The following ASCC2 variants were observed in gnomAD, a reference collection of about 807,000 sequenced individuals.
ASCC2 encodes the protein ASC-1 complex subunit P100.
A neutral mutation model predicts 93.5 loss-of-function variants in ASCC2; 42 were observed. The observed-to-expected ratio is 0.45, with a 90% CI of 0.35 to 0.58. The LOEUF is 0.58. Ranked by LOEUF, ASCC2 falls within the 20% of genes least tolerant of loss-of-function variation. The pLI, the probability that ASCC2 is intolerant of heterozygous loss-of-function variation, is 0.00. For synonymous variants in ASCC2, 364 were observed against 384.2 expected (o/e 0.95, Z 0.62); for missense variants, 859 against 977.6 (o/e 0.88, Z 1.62).
chr22:29,802,977 G>T (rs1367626372), intron 13 of ASCC2, among the ~76,000 whole-genome samples: 5 of 146,240 alleles, frequency 3.4e-5, no homozygotes, highest in African/African-American at 7.6e-5. Flanking sequence ...GCCAGGCATG[G>T]TGCTCATGCC....
intron 13 of ASCC2, among the ~76,000 whole-genome samples, chr22:29,803,262 A>AC (rs199726005): frequency 3.3e-5 from 5 of 150,818 alleles, no homozygotes; most frequent in Non-Finnish European, 7.4e-5. Context: ...CAAAAAAAAA[A>AC]CAAAAAACAA....
chr22:29,816,697 T>C (rs2060888909), intron 5 of ASCC2: 1 of 152,194 alleles, frequency 6.6e-6, no homozygotes. Context: ...AAGTGTTTAC[T>C]ATTCTCCAAG....
At chr22:29,813,672 T>A in intron 7 of ASCC2, 130 bp from the exon 8 acceptor site, 1 of 661,414 alleles carries the variant, frequency 1.5e-6, no homozygotes, top group Non-Finnish European at 2.7e-6. Flanking sequence ...AAAAGAACAC[T>A]GGAGGTCCCA....
chr22:29,802,283 T>A (rs1265347780), intron 13 of ASCC2, 75 bp from the exon 14 acceptor site: 1 of 1,441,518 alleles, frequency 6.9e-7, no homozygotes, highest in African/African-American at 1.4e-5. Flanking sequence ...CAGACAGCAC[T>A]GGACTAGGCA....
rs1432169746 is a variant in ASCC2 at position 29,808,164 on chromosome 22, T to C, written c.855A>G (p.Ala285=). 6.2e-7 allele frequency: 1 copy of C among 1,614,142 alleles called. No individual in the cohort carries two copies. The highest frequency in any genetic ancestry group is 8.5e-7 in the Non-Finnish European group (1 of 1,180,052). ...FCYRLASFYE[A]AIPEMESAIK... ...TTGCAGACTCCATTTCGGGAATTGC[T>C]GCTTCGTAGAAGGAAGCTAGTCTGT... is the stretch of plus-strand genomic sequence containing the variant. The change falls in exon 9 of 20, where the codon GCA becomes GCG. Residue 285 remains alanine, a synonymous_variant. Coordinates refer to ENST00000307790, the MANE Select transcript of ASCC2 (RefSeq NM_032204.5).
At chr22:29,807,235 CAAAAAAAAA>C (rs553545816) in intron 9 of ASCC2, among the ~76,000 whole-genome samples, 6 of 46,480 alleles carry the variant, frequency 1.3e-4, no homozygotes, top group African/African-American at 2.7e-4. Context: ...GACCCTGTCT[CAAAAAAAAA>C]AAAAAAAAAA....
intron 1 of ASCC2, chr22:29,833,590 T>G: frequency 2.1e-6 from 1 of 471,088 alleles, no homozygotes. Context: ...TGCTGTCCAG[T>G]GTTCTTTTCA....
chr22:29,831,935 G>C (rs192567955), intron 2 of ASCC2, among the ~76,000 whole-genome samples: 126 of 152,258 alleles, frequency 8.3e-4, no homozygotes, highest in African/African-American at 2.8e-3. Flanking sequence ...CCCAAACCCA[G>C]CTTTGGGCTG....
Position 29,806,536 on chromosome 22 carries a change from C to G in ASCC2, c.1034G>C (p.Gly345Ala), listed in dbSNP as rs981851682. The G allele has an allele frequency of 6.2e-7, 1 of 1,613,782 alleles. No homozygotes were observed. The highest frequency in any genetic ancestry group is 8.5e-7 in the Non-Finnish European group (1 of 1,179,862). ...ILESSCDNIQ[G>A]FIEEFLQIFS... is the part of the protein sequence containing the mutation. ...GATCTGAAGGAACTCTTCGATGAAG[C>G]CCTGAATGTTGTCACAGCTAGAACA... The change falls in exon 11 of 20, where the codon GGC (glycine) becomes GCC (alanine). Residue 345 changes from glycine to alanine, a missense_variant. Physicochemically the swap from Gly to Ala is moderately conservative, Grantham distance 60 (BLOSUM62 0). Coordinates refer to ENST00000307790, the MANE Select transcript of ASCC2 (RefSeq NM_032204.5).
Position 29,801,010 on chromosome 22 carries a change from G to A in ASCC2, c.1669C>T (p.Arg557Trp), listed in dbSNP as rs529375097. 1.8e-5 allele frequency: 29 copies of A among 1,596,332 alleles called. No individual in the cohort carries two copies. The highest frequency in any genetic ancestry group is 1.1e-4 in the East Asian group (5 of 44,166). ...ACTCACCTCTTGCCCTTGTGCACCC[G>A]GCTCAGGTCTACTGAGTCCCTGCTG... is the stretch of plus-strand genomic sequence containing the variant. Reference protein sequence around the residue: ...VFSRDSVDLSRVHKGKSTRKE... With the variant: ...VFSRDSVDLSWVHKGKSTRKE... The change falls in exon 15 of 20, where the codon CGG (arginine) becomes TGG (tryptophan). Residue 557 changes from arginine (R) to tryptophan (W), a missense_variant. By Grantham distance (101) the Arg-to-Trp change is moderately radical. Coordinates refer to ENST00000307790, the MANE Select transcript of ASCC2 (RefSeq NM_032204.5).
rs1429248762 is a variant in ASCC2, at chr22:29,838,222, G to C, written c.-62C>G. The C allele has an allele frequency of 4.3e-6, 2 of 467,356 alleles. No homozygotes were observed. The highest frequency in any genetic ancestry group is 4.0e-5 in the African/African-American group (2 of 50,118). The allele number at this position is 467,356 out of a possible 1,614,324, so 29.0% of individuals were successfully genotyped here. ...GCTCTGTGCCGCCGCCGCCGCCGCC[G>C]CCGCCGACCACGGTGACAGCTCCCT... On this transcript the variant is annotated 5_prime_UTR_variant, in exon 1 of 20. Transcript: ENST00000307790.
intron 7 of ASCC2, among the ~76,000 whole-genome samples, chr22:29,814,021 G>A (rs887822466): frequency 6.6e-6 from 1 of 152,216 alleles, no homozygotes; most frequent in Non-Finnish European, 1.5e-5. Context: ...AAGCTATTGA[G>A]GATCTTTATT....
chr22:29,834,963 G>A (rs1038081314), intron 1 of ASCC2, among the ~76,000 whole-genome samples: 3 of 152,118 alleles, frequency 2.0e-5, no homozygotes, highest in Non-Finnish European at 4.4e-5. Context: ...TTCCAGGCTC[G>A]CCCGCTGAAG....
At chr22:29,822,596 G>T in intron 4 of ASCC2, 132 bp from the exon 5 acceptor site, 1 of 986,518 alleles carries the variant, frequency 1.0e-6, no homozygotes, top group Non-Finnish European at 1.4e-6. Flanking sequence ...GCATAGACCT[G>T]GAGCAATGGC....
chr22:29,823,606 G>T (rs554029027), intron 4 of ASCC2, among the ~76,000 whole-genome samples: 1 of 152,292 alleles, frequency 6.6e-6, no homozygotes, highest in East Asian at 1.9e-4. Flanking sequence ...TCAGCACTTT[G>T]GGAGGCCGAG....
intron 9 of ASCC2, 42 bp downstream of exon 9, chr22:29,808,069 C>T (rs1322066811): frequency 6.2e-7 from 1 of 1,608,332 alleles, no homozygotes; most frequent in Non-Finnish European, 8.5e-7. Context: ...GCTCGGGCCT[C>T]TCTGTCCCAC....
intron 13 of ASCC2, among the ~76,000 whole-genome samples, chr22:29,803,256 A>AC (rs1367073978): frequency 6.6e-6 from 1 of 151,042 alleles, no homozygotes; most frequent in African/African-American, 2.4e-5. Context: ...CATCTCCAAA[A>AC]AAAAAACAAA....
At chr22:29,808,809 C>CAAAA (rs564026837) in intron 8 of ASCC2, among the ~76,000 whole-genome samples, 1 of 104,600 alleles carries the variant, frequency 9.6e-6, no homozygotes. Flanking sequence ...GACCCTATCT[C>CAAAA]AAAAAAAAAA....
In ASCC2 at chr22:29,804,721, T is replaced by C. The variant is rs1213734617; in HGVS notation, c.1270A>G (p.Asn424Asp). ...AKDPSVIEEP[N>D]GEPNGVTVTA... Reference sequence around the variant, plus strand: ...ACCGTGACCCCGTTAGGCTCCCCATTAGGCTCCTCAATCACCGATGGGTCT... The same window carrying C: ...ACCGTGACCCCGTTAGGCTCCCCATCAGGCTCCTCAATCACCGATGGGTCT... Residue 424 changes from asparagine to aspartate, a missense_variant, in exon 13 of 20, where the codon AAT (asparagine) becomes GAT (aspartate). Physicochemically the swap from Asn to Asp is conservative, Grantham distance 23. Transcript: ENST00000307790. 5 of 1,613,948 alleles carry C rather than the reference T, an allele frequency of 3.1e-6. No individual in the cohort carries two copies. In the African/African-American group the frequency reaches 6.7e-5, roughly 22 times the overall value.
Sources: allele counts gnomAD v4.1 joint callset (sites outside exome capture counted in the v4.1 genomes callset), GRCh38; gene constraint gnomAD v4.1.1; transcripts MANE v1.5; gene names NCBI Gene and HGNC (gene_info 2026-07-23, HGNC 2026-07-21).